SEPSECS: variants seen among roughly 807,000 people sequenced by gnomAD.
The protein encoded by SEPSECS is Sep (O-phosphoserine) tRNA:Sec (selenocysteine) tRNA synthase, also known as O-phosphoseryl-tRNA(Sec) selenium transferase.
Under a neutral mutation model 52.1 loss-of-function variants are expected in SEPSECS, and 42 were observed. The ratio of observed to expected loss-of-function variants is 0.81; its 90% CI spans 0.63 to 1.04. The LOEUF is 1.04. Ranked by LOEUF, SEPSECS falls within the 50% of genes least tolerant of loss-of-function variation. The pLI is 0.00. For synonymous variants in SEPSECS, 216 were observed against 211.4 expected, an observed-to-expected ratio of 1.02 and a Z score of -0.19; for missense variants, 590 against 610.6, an observed-to-expected ratio of 0.97 and a Z score of 0.36.
At chr4:25,157,588 A>G (rs1712756120) in intron 2 of SEPSECS, among the ~76,000 whole-genome samples, 1 of 144,158 alleles carries the variant, frequency 6.9e-6, no homozygotes, top group African/African-American at 2.6e-5. Context: ...TCTGTCGCCC[A>G]GGCTGGAGTG....
Position 25,121,920 on chromosome 4 carries a change from T to C in SEPSECS, c.*2011A>G, listed in dbSNP as rs1728142983. The C allele has an allele frequency of 6.6e-6, 1 of 152,188 alleles. No individual in the cohort carries two copies. The allele number at this position is 152,188 out of a possible 1,614,324, so 9.4% of individuals were successfully genotyped here. On this transcript the variant is annotated 3_prime_UTR_variant, in exon 11 of 11. Transcript: ENST00000382103. ...CTCTGGCCTTTCTTAAGCTAAATGA[T>C]GATCACAACAATATAGATCACTTGT...
chr4:25,155,333 T>C (rs947713814), intron 4 of SEPSECS, 182 bp from the exon 5 acceptor site: 12 of 641,198 alleles, frequency 1.9e-5, no homozygotes, highest in Non-Finnish European at 2.4e-5. Context: ...GTCAAAATAA[T>C]GTGAGGGACT....
At position 25,156,134 on chromosome 4, in the gene SEPSECS, CAG is replaced by C. The variant is rs1712612783; in HGVS notation, c.448_449del (p.Leu150ValfsTer27). ...TTTTGTGTCGTAATGTTAAGAAACA[CAG>C]AGTTAGACTCATACCAGTTGCCATA... ...VPMATGMSLT[L>X]CFLTLRHKRP... On this transcript the variant is annotated frameshift_variant, in exon 4 of 11. Coordinates refer to ENST00000382103, the MANE Select transcript of SEPSECS (RefSeq NM_016955.4). LOFTEE classifies it high-confidence loss of function. 3 of 1,613,904 alleles carry C rather than the reference CAG, an allele frequency of 1.9e-6. No homozygotes were observed. The highest frequency in any genetic ancestry group is 1.3e-5 in the African/African-American group (1 of 75,016).
intron 8 of SEPSECS, among the ~76,000 whole-genome samples, chr4:25,140,945 T>A (rs1729040312): frequency 6.6e-6 from 1 of 151,976 alleles, no homozygotes; most frequent in African/African-American, 2.4e-5. Context: ...GCATCTGTGC[T>A]GAATATGCAC....
At chr4:25,139,425 T>G (rs1728970944) in intron 8 of SEPSECS, among the ~76,000 whole-genome samples, 1 of 138,872 alleles carries the variant, frequency 7.2e-6, no homozygotes, top group Non-Finnish European at 1.5e-5. Flanking sequence ...TCTCACTCTG[T>G]CACCAGGCTG....
chr4:25,160,185 C>G (rs1712980113), intron 1 of SEPSECS, 71 bp downstream of exon 1: 1 of 1,541,906 alleles, frequency 6.5e-7, no homozygotes, highest in Non-Finnish European at 8.8e-7. Context: ...GAGGCAGCAC[C>G]AGCGGGGACG....
intron 8 of SEPSECS, among the ~76,000 whole-genome samples, chr4:25,139,031 G>A (rs1334927243): frequency 6.6e-6 from 1 of 152,196 alleles, no homozygotes. Context: ...GAATGTCAAT[G>A]AATAAATGCA....
intron 5 of SEPSECS, among the ~76,000 whole-genome samples, chr4:25,152,504 A>G (rs1006176398): frequency 6.6e-6 from 1 of 151,966 alleles, no homozygotes; most frequent in Non-Finnish European, 1.5e-5. Flanking sequence ...TAAACATCTC[A>G]TAAAATAAAA....
intron 2 of SEPSECS, among the ~76,000 whole-genome samples, chr4:25,157,764 G>C (rs573125795): frequency 1.2e-4 from 18 of 152,004 alleles, no homozygotes; most frequent in South Asian, 8.3e-4. Flanking sequence ...CCAGGATGGT[G>C]TGGATCTCCT....
intron 8 of SEPSECS, among the ~76,000 whole-genome samples, chr4:25,139,434 T>C (rs1400702060): frequency 7.5e-6 from 1 of 133,024 alleles, no homozygotes; most frequent in Non-Finnish European, 1.5e-5. Context: ...GTCACCAGGC[T>C]GGAGTGCAGT....
intron 8 of SEPSECS, among the ~76,000 whole-genome samples, chr4:25,128,880 A>AT (rs1039078208): frequency 2.6e-4 from 40 of 152,162 alleles, no homozygotes; most frequent in African/African-American, 8.9e-4. Context: ...TCCCAGAGGA[A>AT]TTTTTTTCAT....
chr4:25,149,456 T>C (rs763292633), intron 6 of SEPSECS, among the ~76,000 whole-genome samples: 1 of 152,124 alleles, frequency 6.6e-6, no homozygotes, highest in Non-Finnish European at 1.5e-5. Context: ...ATGAAAACTT[T>C]ATAGCATCTG....
intron 6 of SEPSECS, among the ~76,000 whole-genome samples, chr4:25,148,443 T>A (rs535457422): frequency 4.0e-5 from 6 of 151,630 alleles, no homozygotes; most frequent in Admixed American, 3.9e-4. Context: ...TAAGGACTAT[T>A]GAGATGAATT....
chr4:25,133,974 T>G (rs917383592), intron 8 of SEPSECS, among the ~76,000 whole-genome samples: 37 of 150,260 alleles, frequency 2.5e-4, no homozygotes, highest in Non-Finnish European at 7.4e-5. Context: ...AAATAAAAAT[T>G]TAGACTGGCA....
At chr4:25,126,952 G>C (rs34898725) in intron 9 of SEPSECS, among the ~76,000 whole-genome samples, 25,874 of 152,174 alleles carry the variant, frequency 0.17, 2,500 homozygotes, top group African/African-American at 0.26. Context: ...CACCAAACCC[G>C]ACCTGGAGAA....
At chr4:25,150,058 T>G (rs1159201844) in intron 6 of SEPSECS, among the ~76,000 whole-genome samples, 1 of 152,178 alleles carries the variant, frequency 6.6e-6, no homozygotes, top group East Asian at 1.9e-4. Context: ...GATACAAAGT[T>G]GAGTAAAGAA....
At chr4:25,155,949 G>C (rs987774437) in intron 4 of SEPSECS, 88 bp downstream of exon 4, 5 of 1,272,128 alleles carry the variant, frequency 3.9e-6, no homozygotes, top group Non-Finnish European at 4.5e-6. Flanking sequence ...AAGAGAGTTA[G>C]TTTATTTTTC....
intron 2 of SEPSECS, among the ~76,000 whole-genome samples, chr4:25,157,695 C>T (rs1244918207): frequency 6.6e-6 from 1 of 152,084 alleles, no homozygotes; most frequent in Non-Finnish European, 1.5e-5. Context: ...CAGGCGCCCG[C>T]CACCACGCCC....
chr4:25,145,466 T>A (rs888836788), intron 6 of SEPSECS, among the ~76,000 whole-genome samples: 2 of 152,252 alleles, frequency 1.3e-5, no homozygotes, highest in South Asian at 2.1e-4. Flanking sequence ...GCTCCTTATA[T>A]GTGCAACTTT....
Sources: gnomAD v4.1 joint callset for allele counts (sites outside exome capture counted in the v4.1 genomes callset) on GRCh38, gnomAD v4.1.1 for gene constraint, MANE v1.5 for transcripts, NCBI Gene and HGNC (gene_info 2026-07-23, HGNC 2026-07-21) for gene names.